The following IGF1R variants were observed in gnomAD, a reference collection of about 807,000 sequenced individuals.
The protein encoded by IGF1R is insulin-like growth factor 1 receptor.
IGF1R carries 44 observed loss-of-function variants against 144.6 expected under a neutral mutation model. The observed-to-expected ratio is 0.30, with a 90% CI of 0.24 to 0.39. The LOEUF is 0.39. Among genes scored for constraint, IGF1R ranks in the 10% least tolerant of loss-of-function variants. The pLI is 1.00. For missense variants in IGF1R, 1,355 were observed against 1,833.7 expected (o/e 0.74, Z 4.77); for synonymous variants, 795 against 722.8 (o/e 1.10, Z -1.60).
At chr15:98,907,785 T>C (rs561466670) in intron 5 of IGF1R, among the ~76,000 whole-genome samples, 1 of 152,338 alleles carries the variant, frequency 6.6e-6, no homozygotes, top group South Asian at 2.1e-4. Context: ...GCTACTCGTG[T>C]GCACACCCTC....
At chr15:98,657,236 T>C (rs1354861726) in intron 1 of IGF1R, among the ~76,000 whole-genome samples, 2 of 152,326 alleles carry the variant, frequency 1.3e-5, no homozygotes, top group East Asian at 3.9e-4. Context: ...ATGAATTTAT[T>C]TGTAGGAGTT....
intron 2 of IGF1R, among the ~76,000 whole-genome samples, chr15:98,883,787 C>T (rs908351959): frequency 2.6e-5 from 4 of 152,142 alleles, no homozygotes; most frequent in East Asian, 3.9e-4. Flanking sequence ...AAGTGTTCGC[C>T]GGGCTGCCTC....
At chr15:98,828,969 T>G (rs924101341) in intron 2 of IGF1R, among the ~76,000 whole-genome samples, 1 of 152,122 alleles carries the variant, frequency 6.6e-6, no homozygotes. Flanking sequence ...TTTCAAGCCC[T>G]CCGAAGCACT....
chr15:98,877,719 C>T (rs2013134747), intron 2 of IGF1R, among the ~76,000 whole-genome samples: 2 of 152,066 alleles, frequency 1.3e-5, no homozygotes, highest in African/African-American at 4.8e-5. Flanking sequence ...TGTGATTTGC[C>T]TGTACAGGTG....
chr15:98,709,054 T>G (rs1184621658), intron 2 of IGF1R, among the ~76,000 whole-genome samples: 1 of 152,222 alleles, frequency 6.6e-6, no homozygotes, highest in Non-Finnish European at 1.5e-5. Context: ...AATAGTTATG[T>G]ATATTGGCTA....
intron 9 of IGF1R, 82 bp from the exon 10 acceptor site, chr15:98,916,590 A>T: frequency 8.5e-7 from 1 of 1,174,252 alleles, no homozygotes; most frequent in Non-Finnish European, 1.3e-6. Context: ...GATTAAAGGT[A>T]CTGAGAGCTA....
At chr15:98,746,768 T>C (rs1040880921) in intron 2 of IGF1R, among the ~76,000 whole-genome samples, 15 of 151,986 alleles carry the variant, frequency 9.9e-5, no homozygotes, top group Non-Finnish European at 1.5e-4. Context: ...TTTTGCCTTT[T>C]AATTTGAGAG....
chr15:98,886,801 C>T (rs1437684711), intron 2 of IGF1R, among the ~76,000 whole-genome samples: 4 of 152,120 alleles, frequency 2.6e-5, no homozygotes, highest in Non-Finnish European at 2.9e-5. Context: ...AAATTTACAG[C>T]GGGCTCTGGG....
intron 2 of IGF1R, among the ~76,000 whole-genome samples, chr15:98,817,085 C>T (rs1349249350): frequency 6.6e-6 from 1 of 152,108 alleles, no homozygotes; most frequent in African/African-American, 2.4e-5. Flanking sequence ...GGCGGATCAC[C>T]TGAGGTCAGG....
intron 2 of IGF1R, among the ~76,000 whole-genome samples, chr15:98,851,266 C>T (rs1015877074): frequency 6.6e-6 from 1 of 152,162 alleles, no homozygotes; most frequent in African/African-American, 2.4e-5. Flanking sequence ...GGGGTGGGGC[C>T]AGATGCTGGA....
chr15:98,760,525 T>C (rs1311242680), intron 2 of IGF1R, among the ~76,000 whole-genome samples: 2 of 152,256 alleles, frequency 1.3e-5, no homozygotes, highest in Admixed American at 1.3e-4. Flanking sequence ...CTTTATTTAC[T>C]GTGAGACTTG....
At chr15:98,664,077 C>CT (rs1275322122) in intron 1 of IGF1R, among the ~76,000 whole-genome samples, 1 of 152,160 alleles carries the variant, frequency 6.6e-6, no homozygotes, top group African/African-American at 2.4e-5. Flanking sequence ...AAGAGACTTC[C>CT]TGGGAGGGTG....
chr15:98,957,300 C>A lies in IGF1R; in HGVS notation c.3962C>A (p.Ser1321Ter), dbSNP rs755377291. ...SSSLPLPDRH[S>*]GHKAENGPGP... ...TCCCTGCCACTGCCCGACAGACACT[C>A]AGGACACAAGGCCGAGAACGGCCCC... is the stretch of plus-strand genomic sequence containing the variant. Residue 1321 changes from serine (S) to a stop codon, truncating the protein, a stop_gained, in exon 21 of 21, where the codon TCA becomes TAA. Transcript: ENST00000650285. LOFTEE classifies it high-confidence loss of function. The A allele has an allele frequency of 2.5e-6, 4 of 1,613,570 alleles. No homozygotes were observed. The highest frequency in any genetic ancestry group is 3.4e-6 in the Non-Finnish European group (4 of 1,179,652).
chr15:98,714,487 A>G (rs2054068449), intron 2 of IGF1R, among the ~76,000 whole-genome samples: 1 of 152,110 alleles, frequency 6.6e-6, no homozygotes, highest in Non-Finnish European at 1.5e-5. Context: ...ATATAAAAAA[A>G]TTTAAATAAT....
At chr15:98,847,886 G>A (rs989512002) in intron 2 of IGF1R, among the ~76,000 whole-genome samples, 5 of 152,160 alleles carry the variant, frequency 3.3e-5, no homozygotes, top group South Asian at 2.1e-4. Context: ...TGTGGGGAGC[G>A]GTTTGACCAG....
intron 2 of IGF1R, among the ~76,000 whole-genome samples, chr15:98,787,483 A>G (rs2056026053): frequency 6.6e-6 from 1 of 152,112 alleles, no homozygotes; most frequent in Admixed American, 6.5e-5. Flanking sequence ...TCCTAATCCA[A>G]ATGAAAAGCT....
intron 2 of IGF1R, among the ~76,000 whole-genome samples, chr15:98,788,056 CTCTCTCTGTGTG>C (rs1290095055): frequency 1.1e-4 from 12 of 106,448 alleles, no homozygotes; most frequent in East Asian, 5.4e-4. Context: ...CTCTCTCTCT[CTCTCTCTGTGTG>C]TGTGTGTGTG....
At chr15:98,919,281 G>T (rs1449487237) in intron 10 of IGF1R, among the ~76,000 whole-genome samples, 2 of 152,166 alleles carry the variant, frequency 1.3e-5, no homozygotes, top group African/African-American at 4.8e-5. Context: ...GCTCGTGGCA[G>T]CTCCTGCTGC....
intron 2 of IGF1R, among the ~76,000 whole-genome samples, chr15:98,758,413 T>C (rs983065687): frequency 3.9e-5 from 6 of 152,138 alleles, no homozygotes; most frequent in East Asian, 1.9e-4. Context: ...TGCTTGCCGA[T>C]GGCTGCCCTC....
Sources: gnomAD v4.1 joint callset for allele counts (sites outside exome capture counted in the v4.1 genomes callset) on GRCh38, gnomAD v4.1.1 for gene constraint, MANE v1.5 for transcripts, NCBI Gene and HGNC (gene_info 2026-07-23, HGNC 2026-07-21) for gene names.